Variants in ACSM2B observed in about 807,000 individuals in gnomAD.
ACSM2B encodes the protein acyl-CoA synthetase medium chain family member 2B.
Under a neutral mutation model 78.6 loss-of-function variants are expected in ACSM2B, and 58 were observed. The observed-to-expected ratio is 0.74, with a 90% CI of 0.60 to 0.92. The LOEUF (loss-of-function observed/expected upper bound fraction) is 0.92. ACSM2B is among the 40% of genes least tolerant of loss of function. The pLI is 0.00. For missense variants in ACSM2B, 688 were observed against 711.2 expected, an observed-to-expected ratio of 0.97 and a Z score of 0.37; for synonymous variants, 257 against 256.8, an observed-to-expected ratio of 1.00 and a Z score of -0.01.
At chr16:20,564,041 C>T (rs1171195851) in intron 2 of ACSM2B, among the ~76,000 whole-genome samples, 1 of 151,322 alleles carries the variant, frequency 6.6e-6, no homozygotes, top group Admixed American at 6.6e-5. Flanking sequence ...TACTTGCACA[C>T]CTCTATTGAC....
intron 13 of ACSM2B, among the ~76,000 whole-genome samples, chr16:20,539,975 G>A: frequency 6.6e-6 from 1 of 152,166 alleles, no homozygotes; most frequent in Non-Finnish European, 1.5e-5. Context: ...TCAATTGCAT[G>A]AGCAATAAAT....
chr16:20,546,278 A>T lies in ACSM2B; in HGVS notation c.1179+116T>A, dbSNP rs534574599. The T allele has an allele frequency of 1.2e-5, 17 of 1,419,542 alleles. No individual in the cohort carries two copies. The Admixed American group carries it at 1.2e-4, about 10-fold the overall frequency. The allele number at this position is 1,419,542 out of a possible 1,614,324, so 87.9% of individuals were successfully genotyped here. On this transcript the variant is annotated intron_variant, in intron 9 of 13. Coordinates refer to ENST00000329697, the MANE Select transcript of ACSM2B (RefSeq NM_001105069.2). ...CCTCCCTCCGTCCCTTTTTTCTGAT[A>T]TTATCTTAATATCAGTACTTTCTAT...
In ACSM2B at chr16:20,555,452, A is replaced by G. The variant is rs779079829; in HGVS notation, c.413T>C (p.Ile138Thr). 6.2e-6 allele frequency: 10 copies of G among 1,613,536 alleles called. No homozygotes were observed. The highest frequency in any genetic ancestry group is 8.5e-6 in the Non-Finnish European group (10 of 1,179,526). The change falls in exon 4 of 14, where the codon ATC becomes ACC. Residue 138 changes from isoleucine (I) to threonine (T), a missense_variant. Physicochemically the swap from Ile to Thr is moderately conservative, Grantham distance 89. Transcript: ENST00000329697. ...CAGTATGTCAGTGGATTTCATCTGG[A>G]TGGTTCCAGGCATAAAGATGAGACC... is the stretch of plus-strand genomic sequence containing the variant. ...RAGLIFMPGT[I>T]QMKSTDILYR...
At chr16:20,569,142 C>T (rs1381755799) in intron 1 of ACSM2B, among the ~76,000 whole-genome samples, 1 of 151,946 alleles carries the variant, frequency 6.6e-6, no homozygotes, top group East Asian at 1.9e-4. Flanking sequence ...TTTGCCTAAA[C>T]CAATGTCTAC....
chr16:20,548,359 C>T (rs1386850893), intron 7 of ACSM2B, 35 bp downstream of exon 7: 1 of 1,612,632 alleles, frequency 6.2e-7, no homozygotes, highest in South Asian at 1.1e-5. Context: ...GGGGATGGGG[C>T]CAGACTCTCT....
chr16:20,537,442 G>C, intron 13 of ACSM2B, 80 bp from the exon 14 acceptor site: 1 of 1,522,520 alleles, frequency 6.6e-7, no homozygotes, highest in Non-Finnish European at 9.1e-7. Flanking sequence ...TGTAGGGTGA[G>C]GGGAAGTTCT....
intron 6 of ACSM2B, 40 bp downstream of exon 6, chr16:20,552,104 C>T (rs767087033): frequency 1.3e-6 from 2 of 1,556,040 alleles, no homozygotes; most frequent in Non-Finnish European, 1.7e-6. Flanking sequence ...AAACCTCGGG[C>T]TCACTCTGAA....
At chr16:20,547,473 G>A (rs2015174738) in intron 8 of ACSM2B, 1 of 976,068 alleles carries the variant, frequency 1.0e-6, no homozygotes, top group African/African-American at 1.8e-5. Flanking sequence ...AGAGGCACTG[G>A]AAAAAGGAGA....
intron 10 of ACSM2B, 122 bp downstream of exon 10, chr16:20,545,035 T>A: frequency 1.5e-6 from 2 of 1,314,160 alleles, no homozygotes; most frequent in Non-Finnish European, 2.0e-6. Context: ...TCTTGAAAAC[T>A]GGACACTCTT....
intron 10 of ACSM2B, among the ~76,000 whole-genome samples, chr16:20,544,238 T>C (rs369511312): frequency 1.3e-3 from 192 of 152,276 alleles, no homozygotes; most frequent in Middle Eastern, 6.8e-3. Context: ...ATCTGTATAA[T>C]AGGAATAATC....
chr16:20,546,763 T>A (rs181141683), intron 8 of ACSM2B: 302 of 333,380 alleles, frequency 9.1e-4, no homozygotes, highest in African/African-American at 5.9e-3. Flanking sequence ...AATACGACGC[T>A]ATGGATACCC....
At chr16:20,554,322 G>A in intron 4 of ACSM2B, 1 of 366,704 alleles carries the variant, frequency 2.7e-6, no homozygotes, top group Non-Finnish European at 5.2e-6. Flanking sequence ...AAGTGGACAG[G>A]AGGGGTGGAA....
intron 4 of ACSM2B, among the ~76,000 whole-genome samples, chr16:20,555,011 C>T (rs569647332): frequency 1.3e-5 from 2 of 152,288 alleles, no homozygotes; most frequent in South Asian, 2.1e-4. Flanking sequence ...TGATTCAGTG[C>T]TTTTCAATCC....
rs1476923493 is a variant in ACSM2B, at chr16:20,540,726, G to A, written c.1557C>T (p.Asp519=). ...GCAGCTCCTTGGTGAGCTGTTCTGGGTCATGGGATAGGAACTGCGAGGCCA... is the reference window on the plus strand; with the variant it reads ...GCAGCTCCTTGGTGAGCTGTTCTGGATCATGGGATAGGAACTGCGAGGCCA... ...VILASQFLSH[D]PEQLTKELQQ... The change falls in exon 13 of 14, where the codon GAC becomes GAT. Residue 519 remains aspartate (D), a synonymous_variant. Coordinates refer to ENST00000329697, the MANE Select transcript of ACSM2B (RefSeq NM_001105069.2). 5.0e-6 allele frequency: 8 copies of A among 1,614,112 alleles called. No homozygotes were observed. The highest frequency in any genetic ancestry group is 5.9e-6 in the Non-Finnish European group (7 of 1,180,012).
In ACSM2B at chr16:20,553,794, C is replaced by T; in HGVS notation, c.723G>A (p.Lys241=). 1.2e-6 allele frequency: 2 copies of T among 1,610,816 alleles called. No individual in the cohort carries two copies. Among genetic ancestry groups the T allele is most frequent in the Non-Finnish European group, 1.7e-6 (2 of 1,177,598 alleles). ...CAGCTTACCCAGCATCCATCTTGGC[C>T]TTGAGGCCCAGGCTCGAGTAGGAAT... is the stretch of plus-strand genomic sequence containing the variant. ...AEHSYSSLGL[K]AKMDAGWTGL... The change falls in exon 5 of 14, where the codon AAG becomes AAA. Residue 241 remains lysine (K), a synonymous_variant. Transcript: ENST00000329697.
chr16:20,557,410 C>T (rs1400965407), intron 3 of ACSM2B, among the ~76,000 whole-genome samples: 2 of 150,144 alleles, frequency 1.3e-5, no homozygotes, highest in Admixed American at 6.7e-5. Flanking sequence ...TTAGTTCCCC[C>T]CCAATTGCCT....
In ACSM2B at chr16:20,556,258, C is replaced by G. The variant is rs544101890; in HGVS notation, c.389-782G>C. 2.0e-3 allele frequency among the ~76,000 whole-genome samples: 298 copies of G among 152,306 alleles called. 3 individuals carry two copies. Among genetic ancestry groups the G allele is most frequent in the Non-Finnish European group, 3.2e-3 (219 of 68,028 alleles). ...ATCACTTTCCTAAATTCTTGTTCTT[C>G]TTTACTATTTTAATGAGACTCCTTT... On this transcript the variant is annotated intron_variant, in intron 3 of 13. Transcript: ENST00000329697.
intron 8 of ACSM2B, chr16:20,547,123 C>T (rs1052246059): frequency 9.8e-7 from 1 of 1,015,610 alleles, no homozygotes; most frequent in Non-Finnish European, 1.2e-6. Flanking sequence ...GTCACAATGA[C>T]CCATCTTTTC....
At position 20,536,439 on chromosome 16, in the gene ACSM2B, T is replaced by G. The variant is rs1361039303; in HGVS notation, c.*819A>C. On this transcript the variant is annotated 3_prime_UTR_variant, in exon 14 of 14. Transcript: ENST00000329697. ...GGTATTTATAATGTGTCTGGGTCAG[T>G]GCCTGGCACATGGCAAATGCTTAAT... is the stretch of plus-strand genomic sequence containing the variant. 12 of 152,284 alleles carry G rather than the reference T, an allele frequency of 7.9e-5. No homozygotes were observed. The highest frequency in any genetic ancestry group is 3.3e-4 in the Admixed American group (5 of 15,290). 9.4% of individuals were successfully genotyped at this position (152,284 alleles called of 1,614,324 possible). A position where few individuals can be genotyped will look rare whatever the true frequency, so the allele number is the denominator to read the frequency against.
Sources: allele counts gnomAD v4.1 joint callset (sites outside exome capture counted in the v4.1 genomes callset), GRCh38; gene constraint gnomAD v4.1.1; transcripts MANE v1.5; gene names NCBI Gene and HGNC (gene_info 2026-07-23, HGNC 2026-07-21).